The following NRG3 variants were observed in gnomAD, a reference collection of about 807,000 sequenced individuals.
NRG3 encodes pro-neuregulin-3, membrane-bound isoform.
In NRG3, 31 loss-of-function variants were observed where a neutral mutation model predicts 66.9. That is an observed-to-expected ratio of 0.46 (90% CI 0.35 to 0.63). The LOEUF is 0.63. Ranked by LOEUF, NRG3 falls within the 20% of genes least tolerant of loss-of-function variation. NRG3 has a pLI of 0.00. For synonymous variants in NRG3, 393 were observed against 359.4 expected (o/e 1.09, Z -1.06); for missense variants, 910 against 878.9 (o/e 1.04, Z -0.45).
intron 1 of NRG3, among the ~76,000 whole-genome samples, chr10:81,895,657 G>A (rs574810776): frequency 1.4e-4 from 21 of 152,264 alleles, no homozygotes; most frequent in South Asian, 1.0e-3. Flanking sequence ...ATGTCCATGC[G>A]TGGGAGTGTG....
At chr10:82,729,154 C>G (rs1318237408) in intron 2 of NRG3, among the ~76,000 whole-genome samples, 1 of 152,148 alleles carries the variant, frequency 6.6e-6, no homozygotes, top group African/African-American at 2.4e-5. Context: ...CAAAGACATG[C>G]CTTTTCCTCC....
rs537318373 is a variant in NRG3, at chr10:82,959,625, G to C, written c.1284+550G>C. On this transcript the variant is annotated intron_variant, in intron 6 of 8. Coordinates refer to ENST00000372141, the MANE Select transcript of NRG3 (RefSeq NM_001010848.4). The stretch of plus-strand genomic sequence containing the variant: ...GTTCTATAGAGAGTCAAAGGGCTAA[G>C]AGCTAGAAGCCAGAACATGCAGGAA... 1.4e-4 allele frequency among the ~76,000 whole-genome samples: 22 copies of C among 152,274 alleles called. No individual in the cohort carries two copies. In the South Asian group the frequency reaches 4.2e-3, roughly 29 times the overall value.
intron 2 of NRG3, among the ~76,000 whole-genome samples, chr10:82,502,598 G>A (rs777382494): frequency 4.1e-4 from 62 of 152,242 alleles, no homozygotes; most frequent in African/African-American, 1.3e-3. Context: ...CACTGGAACC[G>A]AAGTCAGGAA....
At chr10:82,647,694 A>C (rs547671289) in intron 2 of NRG3, among the ~76,000 whole-genome samples, 241 of 151,588 alleles carry the variant, frequency 1.6e-3, no homozygotes, top group Admixed American at 2.8e-3. Flanking sequence ...AATGATTGCC[A>C]TTCTAACTGG....
At chr10:82,874,611 T>G (rs974394360) in intron 4 of NRG3, among the ~76,000 whole-genome samples, 2 of 152,216 alleles carry the variant, frequency 1.3e-5, no homozygotes, top group African/African-American at 4.8e-5. Flanking sequence ...AAATCAGATA[T>G]AGTGGAAAAA....
chr10:81,927,010 A>G (rs1307889647), intron 1 of NRG3, among the ~76,000 whole-genome samples: 1 of 152,214 alleles, frequency 6.6e-6, no homozygotes, highest in Non-Finnish European at 1.5e-5. Context: ...TAATGTAATG[A>G]CTTAAAAATA....
chr10:82,349,393 G>T (rs990846864), intron 1 of NRG3, among the ~76,000 whole-genome samples: 1 of 151,310 alleles, frequency 6.6e-6, no homozygotes, highest in East Asian at 2.0e-4. Context: ...CAGGGGTCAG[G>T]GACCCACTTG....
At chr10:82,567,019 C>G (rs574268916) in intron 2 of NRG3, among the ~76,000 whole-genome samples, 1 of 151,986 alleles carries the variant, frequency 6.6e-6, no homozygotes, top group African/African-American at 2.4e-5. Flanking sequence ...CCAAGCGATA[C>G]CTGAAGGATC....
chr10:82,096,911 GTTAGA>G (rs994896670), intron 1 of NRG3, among the ~76,000 whole-genome samples: 3 of 152,066 alleles, frequency 2.0e-5, no homozygotes, highest in African/African-American at 7.2e-5. Flanking sequence ...ATAATGCCTA[GTTAGA>G]TTATTTTCTT....
At chr10:82,050,898 C>T (rs2063561422) in intron 1 of NRG3, among the ~76,000 whole-genome samples, 1 of 150,066 alleles carries the variant, frequency 6.7e-6, no homozygotes, top group Admixed American at 6.7e-5. Flanking sequence ...CGTCCTCATG[C>T]GTATCCAGCA....
chr10:82,143,348 G>A (rs1344653878), intron 1 of NRG3, among the ~76,000 whole-genome samples: 2 of 152,142 alleles, frequency 1.3e-5, no homozygotes, highest in African/African-American at 4.8e-5. Context: ...TGTTTTGAAT[G>A]CCTCAAGTCA....
At chr10:82,674,017 T>G (rs2053490501) in intron 2 of NRG3, among the ~76,000 whole-genome samples, 1 of 152,068 alleles carries the variant, frequency 6.6e-6, no homozygotes, top group South Asian at 2.1e-4. Flanking sequence ...TCAACAGTGT[T>G]GCTGGGCAAC....
chr10:82,641,304 G>T (rs1190472864), intron 2 of NRG3, among the ~76,000 whole-genome samples: 1 of 152,034 alleles, frequency 6.6e-6, no homozygotes, highest in Non-Finnish European at 1.5e-5. Flanking sequence ...TTATATTTGT[G>T]ATCTGTGCGC....
At chr10:82,670,516 C>T (rs1374166772) in intron 2 of NRG3, among the ~76,000 whole-genome samples, 2 of 152,098 alleles carry the variant, frequency 1.3e-5, no homozygotes, top group Non-Finnish European at 2.9e-5. Flanking sequence ...AGAGAGAGTA[C>T]CTGCTCTTTA....
At chr10:82,687,790 T>TTCAAC (rs1445336445) in intron 2 of NRG3, among the ~76,000 whole-genome samples, 10 of 152,110 alleles carry the variant, frequency 6.6e-5, no homozygotes, top group Admixed American at 6.6e-4. Context: ...TCCCCACATC[T>TTCAAC]TCAACTCACC....
At chr10:82,795,515 C>G (rs973499788) in intron 3 of NRG3, among the ~76,000 whole-genome samples, 1 of 152,134 alleles carries the variant, frequency 6.6e-6, no homozygotes, top group African/African-American at 2.4e-5. Flanking sequence ...TTGAGACTGT[C>G]AAAAACAACA....
chr10:82,752,179 A>G (rs1471621301), intron 3 of NRG3, among the ~76,000 whole-genome samples: 1 of 152,222 alleles, frequency 6.6e-6, no homozygotes, highest in South Asian at 2.1e-4. Flanking sequence ...TAATACAGTA[A>G]CAGTATATTT....
intron 4 of NRG3, among the ~76,000 whole-genome samples, chr10:82,918,006 C>A (rs1219120029): frequency 2.3e-4 from 26 of 111,432 alleles, no homozygotes; most frequent in Middle Eastern, 5.8e-3. Flanking sequence ...ATGTATGTAT[C>A]TCTCTCTATA....
intron 1 of NRG3, among the ~76,000 whole-genome samples, chr10:81,923,496 C>T: frequency 6.6e-6 from 1 of 152,338 alleles, no homozygotes; most frequent in Admixed American, 6.5e-5. Flanking sequence ...TGAGCCACCG[C>T]GCCCGGCCGA....
Sources: gnomAD v4.1 joint callset for allele counts (sites outside exome capture counted in the v4.1 genomes callset) on GRCh38, gnomAD v4.1.1 for gene constraint, MANE v1.5 for transcripts, NCBI Gene and HGNC (gene_info 2026-07-23, HGNC 2026-07-21) for gene names.